HS2ST1: variants seen among roughly 807,000 people sequenced by gnomAD.
HS2ST1 encodes heparan sulfate 2-O-sulfotransferase 1.
HS2ST1 carries 18 observed loss-of-function variants against 42.9 expected under a neutral mutation model. The ratio of observed to expected loss-of-function variants is 0.42; its 90% CI spans 0.29 to 0.62. The LOEUF (loss-of-function observed/expected upper bound fraction) is 0.62. Among genes scored for constraint, HS2ST1 ranks in the 20% least tolerant of loss-of-function variants. The probability of loss-of-function intolerance (pLI) is 0.21; values close to 1 mark genes in which losing one functional copy is unlikely to be tolerated. For synonymous variants in HS2ST1, 146 were observed against 152.9 expected (o/e 0.95, Z 0.33); for missense variants, 334 against 433.8 (o/e 0.77, Z 2.04).
At chr1:86,932,949 G>T (rs1660574057) in intron 1 of HS2ST1, among the ~76,000 whole-genome samples, 1 of 152,058 alleles carries the variant, frequency 6.6e-6, no homozygotes, top group Non-Finnish European at 1.5e-5. Flanking sequence ...TTATGAAATT[G>T]GTTTCAGAAC....
intron 1 of HS2ST1, among the ~76,000 whole-genome samples, chr1:86,997,606 G>T (rs773404832): frequency 7.2e-5 from 11 of 152,082 alleles, no homozygotes; most frequent in Non-Finnish European, 1.2e-4. Flanking sequence ...ACAGCTTCAG[G>T]TATTTGAGAT....
chr1:87,030,124 A>C (rs1401390146), intron 1 of HS2ST1, among the ~76,000 whole-genome samples: 1 of 152,208 alleles, frequency 6.6e-6, no homozygotes, highest in Non-Finnish European at 1.5e-5. Flanking sequence ...GTCCTTAGCT[A>C]ACCAACACAT....
At position 86,915,001 on chromosome 1, in the gene HS2ST1, C is replaced by T; in HGVS notation, c.-36C>T. The T allele has an allele frequency of 5.6e-6, 9 of 1,613,084 alleles. No individual in the cohort carries two copies. Among genetic ancestry groups the T allele is most frequent in the Non-Finnish European group, 6.8e-6 (8 of 1,179,790 alleles). ...CGCCTCCGGGGTCCCGCTCCCCGCC[C>T]CCCGCGGTATGTCTTGATCCCGAGC... is the stretch of plus-strand genomic sequence containing the variant. On this transcript the variant is annotated 5_prime_UTR_variant, in exon 1 of 7. Transcript: ENST00000370550.
rs1484639999 is a variant in HS2ST1 at position 87,076,628 on chromosome 1, A to G, written c.363+3456A>G. ...GTGTGGACTCAGTCATTAAAGATAC[A>G]TTTTTGCGATGGGCTTTACTTAGTT... On this transcript the variant is annotated intron_variant, in intron 2 of 6. Coordinates refer to ENST00000370550, the MANE Select transcript of HS2ST1 (RefSeq NM_012262.4). Among the ~76,000 whole-genome samples the G allele has an allele frequency of 9.9e-5, 15 of 152,186 alleles. 2 individuals carry two copies. The highest frequency in any genetic ancestry group is 9.8e-4 in the Admixed American group (15 of 15,280).
chr1:86,954,229 G>A (rs1271173693), intron 1 of HS2ST1, among the ~76,000 whole-genome samples: 1 of 151,622 alleles, frequency 6.6e-6, no homozygotes, highest in Non-Finnish European at 1.5e-5. Flanking sequence ...CACACCTGTA[G>A]TCCTAGCTAC....
intron 1 of HS2ST1, chr1:86,993,001 C>G: frequency 6.8e-7 from 1 of 1,468,720 alleles, no homozygotes. Context: ...ATGTTCCTTT[C>G]CTCCCAGTGT....
At position 87,057,828 on chromosome 1, in the gene HS2ST1, G is replaced by T. The variant is rs546487575; in HGVS notation, c.125-15106G>T. ...ATCATGCCACTGCACTCCAGCCTGG[G>T]CGACAGAGCGAGACTCTGTCTCAAA... On this transcript the variant is annotated intron_variant, in intron 1 of 6. Coordinates refer to ENST00000370550, the MANE Select transcript of HS2ST1 (RefSeq NM_012262.4). Among the ~76,000 whole-genome samples the T allele has an allele frequency of 1.2e-3, 182 of 151,536 alleles. 6 individuals are homozygous for T. The highest frequency in any genetic ancestry group is 4.3e-3 in the African/African-American group (174 of 40,938).
chr1:87,046,578 G>A lies in HS2ST1; in HGVS notation c.125-26356G>A, dbSNP rs957467306. ...ATAATGGACAAACTATGGCGGAAAA[G>A]GAAACCTCCAGTTCTGTTGGACTGG... On this transcript the variant is annotated intron_variant, in intron 1 of 6. Coordinates refer to ENST00000370550, the MANE Select transcript of HS2ST1 (RefSeq NM_012262.4). 9 of 1,578,060 alleles carry A rather than the reference G, an allele frequency of 5.7e-6. No individual in the cohort carries two copies. In the Admixed American group the frequency reaches 8.4e-5, roughly 15 times the overall value.
intron 1 of HS2ST1, among the ~76,000 whole-genome samples, chr1:86,926,189 G>A (rs1660413832): frequency 6.6e-6 from 1 of 152,110 alleles, no homozygotes; most frequent in Admixed American, 6.6e-5. Context: ...TTGCCACTTT[G>A]GCTGAAGGGA....
intron 1 of HS2ST1, among the ~76,000 whole-genome samples, chr1:87,065,857 C>T (rs1016974852): frequency 1.1e-4 from 17 of 151,854 alleles, no homozygotes; most frequent in African/African-American, 4.1e-4. Context: ...ATATTTTTTG[C>T]TTTGGATTTA....
At chr1:86,967,864 G>A (rs1490111873) in intron 1 of HS2ST1, among the ~76,000 whole-genome samples, 1 of 152,170 alleles carries the variant, frequency 6.6e-6, no homozygotes, top group Non-Finnish European at 1.5e-5. Flanking sequence ...AGTTCTTTAA[G>A]GAATCTCCGT....
In HS2ST1 at chr1:87,104,763, C is replaced by T. The variant is rs963586888; in HGVS notation, c.*67C>T. 16 of 960,426 alleles carry T rather than the reference C, an allele frequency of 1.7e-5. No individual in the cohort carries two copies. Among genetic ancestry groups the T allele is most frequent in the East Asian group, 5.0e-5 (2 of 39,960 alleles). 59.5% of individuals were successfully genotyped at this position (960,426 alleles called of 1,614,324 possible). A position where few individuals can be genotyped will look rare whatever the true frequency, so the allele number is the denominator to read the frequency against. On this transcript the variant is annotated 3_prime_UTR_variant, in exon 7 of 7. Transcript: ENST00000370550. ...CCTGTCTTCACCTTTGTTCTCAGCT[C>T]CACAGTCTGGATTGCTGACAGTAGG...
At chr1:87,046,454 A>G (rs1650668867) in intron 1 of HS2ST1, 1 of 986,832 alleles carries the variant, frequency 1.0e-6, no homozygotes. Context: ...AGAAGGTGAC[A>G]TTAAACGTAT....
chr1:87,010,295 A>G (rs554136435), intron 1 of HS2ST1, among the ~76,000 whole-genome samples: 5 of 145,410 alleles, frequency 3.4e-5, no homozygotes, highest in South Asian at 4.4e-4. Context: ...GAGAAGCACA[A>G]TTTTTTTTTT....
At chr1:86,919,893 A>C (rs1033672614) in intron 1 of HS2ST1, among the ~76,000 whole-genome samples, 2 of 152,200 alleles carry the variant, frequency 1.3e-5, no homozygotes, top group Non-Finnish European at 2.9e-5. Flanking sequence ...ATGTAGACTT[A>C]ATTTTCTAGT....
chr1:86,947,577 C>T (rs1483094162), intron 1 of HS2ST1, among the ~76,000 whole-genome samples: 1 of 149,034 alleles, frequency 6.7e-6, no homozygotes, highest in Middle Eastern at 3.2e-3. Context: ...TTCCTTTGTC[C>T]CTTCTCCTTT....
At chr1:87,021,704 C>T (rs1649958155) in intron 1 of HS2ST1, among the ~76,000 whole-genome samples, 2 of 152,096 alleles carry the variant, frequency 1.3e-5, no homozygotes, top group South Asian at 4.1e-4. Flanking sequence ...TTTATGGAGA[C>T]ACAGTCTCAC....
chr1:86,951,595 TAGG>T (rs958290075), intron 1 of HS2ST1, among the ~76,000 whole-genome samples: 4 of 152,260 alleles, frequency 2.6e-5, no homozygotes, highest in African/African-American at 9.6e-5. Context: ...TTTTTGCTGA[TAGG>T]AGGACCTTGT....
intron 1 of HS2ST1, among the ~76,000 whole-genome samples, chr1:87,053,813 T>G (rs962903065): frequency 1.8e-4 from 27 of 152,214 alleles, no homozygotes; most frequent in Admixed American, 1.8e-3. Flanking sequence ...TTTTTGGTTG[T>G]ATTGCACATA....
Sources: allele counts gnomAD v4.1 joint callset (sites outside exome capture counted in the v4.1 genomes callset), GRCh38; gene constraint gnomAD v4.1.1; transcripts MANE v1.5; gene names NCBI Gene and HGNC (gene_info 2026-07-23, HGNC 2026-07-21).